The following KALRN variants were observed in gnomAD, a reference collection of about 807,000 sequenced individuals.
The protein encoded by KALRN is kalirin RhoGEF kinase, also known as kalirin.
Under a neutral mutation model 353.7 loss-of-function variants are expected in KALRN, and 70 were observed. The observed-to-expected ratio is 0.20, with a 90% confidence interval of 0.16 to 0.24. KALRN has a LOEUF of 0.24. Ranked by LOEUF, KALRN falls within the 10% of genes least tolerant of loss-of-function variation. The probability of loss-of-function intolerance (pLI) is 1.00; values close to 1 mark genes in which losing one functional copy is unlikely to be tolerated. For missense variants in KALRN, 2,791 were observed against 3,756.7 expected (o/e 0.74, Z 6.72); for synonymous variants, 1,391 against 1,434.8 (o/e 0.97, Z 0.69).
chr3:124,490,990 C>A, intron 30 of KALRN, 106 bp downstream of exon 30: 2 of 974,184 alleles, frequency 2.1e-6, no homozygotes, highest in Middle Eastern at 2.4e-4. Context: ...GCCTCCACAC[C>A]AAAACCATCC....
chr3:124,522,403 G>A (rs186189077), intron 33 of KALRN, among the ~76,000 whole-genome samples: 74 of 151,932 alleles, frequency 4.9e-4, no homozygotes, highest in Middle Eastern at 3.4e-3. Flanking sequence ...TTAACATGTC[G>A]CTGTGGGCCT....
At chr3:124,615,533 G>C (rs892744170) in intron 34 of KALRN, among the ~76,000 whole-genome samples, 1 of 152,224 alleles carries the variant, frequency 6.6e-6, no homozygotes, top group African/African-American at 2.4e-5. Context: ...AGTTTGGAAA[G>C]AGAAAGATGA....
In KALRN at chr3:124,434,330, G is replaced by A. The variant is rs767370446; in HGVS notation, c.2853G>A (p.Leu951=). ...AIESLFHATS[L]QKTHQSALQV... Reference sequence around the variant, plus strand: ...AGTCCCTCTTTCATGCCACTTCCTTGCAGAAGACGCACCAGAGTGCCCTGC... The same window carrying A: ...AGTCCCTCTTTCATGCCACTTCCTTACAGAAGACGCACCAGAGTGCCCTGC... Residue 951 remains leucine (L), a synonymous_variant, in exon 17 of 60, where the codon TTG becomes TTA. Transcript: ENST00000682506. 1.9e-6 allele frequency: 3 copies of A among 1,612,838 alleles called. No individual in the cohort carries two copies. The highest frequency in any genetic ancestry group is 2.5e-6 in the Non-Finnish European group (3 of 1,179,960).
At chr3:124,226,815 A>G (rs1031527768) in intron 1 of KALRN, among the ~76,000 whole-genome samples, 4 of 152,080 alleles carry the variant, frequency 2.6e-5, no homozygotes, top group African/African-American at 9.7e-5. Flanking sequence ...TCAATTGTCA[A>G]ATTTGGACCC....
chr3:124,287,355 G>C (rs982769999), intron 5 of KALRN, among the ~76,000 whole-genome samples: 1 of 151,908 alleles, frequency 6.6e-6, no homozygotes, highest in African/African-American at 2.4e-5. Context: ...AAGACTTTAA[G>C]GTAGCTCCTC....
At chr3:124,579,962 C>T (rs2074466101) in intron 34 of KALRN, among the ~76,000 whole-genome samples, 1 of 152,178 alleles carries the variant, frequency 6.6e-6, no homozygotes, top group African/African-American at 2.4e-5. Context: ...GAAACATGGT[C>T]TCCAAAGGGA....
intron 33 of KALRN, among the ~76,000 whole-genome samples, chr3:124,549,586 T>C (rs1000061144): frequency 6.6e-6 from 1 of 152,112 alleles, no homozygotes; most frequent in Non-Finnish European, 1.5e-5. Flanking sequence ...TTATAGTATA[T>C]ACATATATAC....
At chr3:124,199,782 G>C (rs2075791282) in intron 1 of KALRN, among the ~76,000 whole-genome samples, 1 of 152,184 alleles carries the variant, frequency 6.6e-6, no homozygotes, top group Non-Finnish European at 1.5e-5. Flanking sequence ...AGAAGCTTTA[G>C]AGAATGTCAA....
intron 5 of KALRN, among the ~76,000 whole-genome samples, chr3:124,292,885 A>G (rs2149159575): frequency 6.6e-6 from 1 of 152,328 alleles, no homozygotes; most frequent in African/African-American, 2.4e-5. Flanking sequence ...TCTCCCTGAT[A>G]CCCTAAGGTT....
chr3:124,080,970 CCACCTAAAGCT>C (rs1267281038), intron 1 of KALRN, among the ~76,000 whole-genome samples: 2 of 152,206 alleles, frequency 1.3e-5, no homozygotes, highest in Non-Finnish European at 1.5e-5. Context: ...GACCTGCATT[CCACCTAAAGCT>C]CACTGTATGC....
At chr3:124,493,577 GA>G (rs199594638) in intron 32 of KALRN, among the ~76,000 whole-genome samples, 4 of 151,100 alleles carry the variant, frequency 2.6e-5, no homozygotes, top group Admixed American at 1.3e-4. Context: ...ACATTTTGAA[GA>G]AAAAAAAATG....
At chr3:124,357,889 T>C (rs2083597565) in intron 10 of KALRN, among the ~76,000 whole-genome samples, 1 of 152,036 alleles carries the variant, frequency 6.6e-6, no homozygotes, top group African/African-American at 2.4e-5. Flanking sequence ...AACGAATGAG[T>C]GCTATGGAAC....
intron 1 of KALRN, among the ~76,000 whole-genome samples, chr3:124,142,259 C>T (rs1403861937): frequency 1.3e-5 from 2 of 152,152 alleles, no homozygotes; most frequent in African/African-American, 2.4e-5. Context: ...CCACAGGCTT[C>T]CCCAAGCAGG....
intron 37 of KALRN, among the ~76,000 whole-genome samples, chr3:124,638,907 A>C (rs2081677364): frequency 6.6e-6 from 1 of 152,210 alleles, no homozygotes; most frequent in Non-Finnish European, 1.5e-5. Flanking sequence ...TTTATAAACA[A>C]GTTACATGTT....
intron 1 of KALRN, among the ~76,000 whole-genome samples, chr3:124,076,554 T>A (rs2060269491): frequency 6.6e-6 from 1 of 152,206 alleles, no homozygotes; most frequent in Non-Finnish European, 1.5e-5. Flanking sequence ...CATCTTCCAT[T>A]GAGGGAAAAT....
chr3:124,559,109 C>T (rs982744486), intron 33 of KALRN, among the ~76,000 whole-genome samples: 1 of 152,186 alleles, frequency 6.6e-6, no homozygotes. Flanking sequence ...AGAGTGGTTA[C>T]GAAATGTCCC....
At position 124,265,610 on chromosome 3, in the gene KALRN, C is replaced by T. The variant is rs80102265; in HGVS notation, c.456+920C>T. 1.4e-4 allele frequency among the ~76,000 whole-genome samples: 21 copies of T among 151,998 alleles called. No individual in the cohort carries two copies. In the East Asian group the frequency reaches 4.1e-3, roughly 29 times the overall value. On this transcript the variant is annotated intron_variant, in intron 4 of 59. Coordinates refer to ENST00000682506, the MANE Select transcript of KALRN (RefSeq NM_001388419.1). ...GCCCAGCCTAATTTAAGAAAATATT[C>T]TTAATATGAAATCTCAACAAACAAG...
chr3:124,441,616 G>A (rs2150591168), intron 18 of KALRN, among the ~76,000 whole-genome samples: 1 of 152,244 alleles, frequency 6.6e-6, no homozygotes, highest in African/African-American at 2.4e-5. Context: ...CTTGAGCCCA[G>A]TAGTTTGAGA....
In KALRN at chr3:124,461,891, T is replaced by C. The variant is rs1332061896; in HGVS notation, c.3856T>C (p.Phe1286Leu). ...EKRKSARKKE[F>L]IMAELLQTEK... Reference sequence around the variant, plus strand: ...AAAAGCCCATTTGTTTCCTTCTAGATTTATTATGGCTGAACTACTCCAGAC... The same window carrying C: ...AAAAGCCCATTTGTTTCCTTCTAGACTTATTATGGCTGAACTACTCCAGAC... The change falls in exon 24 of 60, where the codon TTT becomes CTT. Residue 1286 changes from phenylalanine (F) to leucine (L), a missense_variant and splice_region_variant. Phe to Leu is a conservative substitution (Grantham distance 22). This residue lies in a region of KALRN where 268 missense variants were observed against 347.0 expected (regional missense o/e 0.77). Coordinates refer to ENST00000682506, the MANE Select transcript of KALRN (RefSeq NM_001388419.1). The C allele has an allele frequency of 6.2e-7, 1 of 1,612,276 alleles. No individual in the cohort carries two copies. Among genetic ancestry groups the C allele is most frequent in the Non-Finnish European group, 8.5e-7 (1 of 1,178,464 alleles).
Sources: allele counts gnomAD v4.1 joint callset (sites outside exome capture counted in the v4.1 genomes callset), GRCh38; gene constraint gnomAD v4.1.1; regional missense constraint gnomAD v4.1.1; transcripts MANE v1.5; gene names NCBI Gene and HGNC (gene_info 2026-07-23, HGNC 2026-07-21).